Variants in JAZF1 observed in about 807,000 individuals in gnomAD.
JAZF1 encodes JAZF zinc finger 1.
In JAZF1, 8 loss-of-function variants were observed where a neutral mutation model predicts 26.4. That is an observed-to-expected ratio of 0.30 (90% CI 0.18 to 0.55). The LOEUF is 0.55. Ranked by LOEUF, JAZF1 falls within the 20% of genes least tolerant of loss-of-function variation. The pLI is 0.94. For missense variants in JAZF1, 199 were observed against 322.0 expected (o/e 0.62, Z 2.92); for synonymous variants, 126 against 122.3 (o/e 1.03, Z -0.20).
At chr7:27,998,343 G>T (rs773873278) in intron 1 of JAZF1, among the ~76,000 whole-genome samples, 1 of 151,862 alleles carries the variant, frequency 6.6e-6, no homozygotes, top group Non-Finnish European at 1.5e-5. Context: ...TAGTTCTGTC[G>T]GCTGCAACTT....
intron 2 of JAZF1, among the ~76,000 whole-genome samples, chr7:27,969,424 G>A (rs935087959): frequency 6.6e-6 from 1 of 151,978 alleles, no homozygotes; most frequent in African/African-American, 2.4e-5. Context: ...GAAGGTGGAA[G>A]CTGCTTGGAG....
chr7:28,041,876 G>A (rs533367097), intron 1 of JAZF1, among the ~76,000 whole-genome samples: 2 of 152,278 alleles, frequency 1.3e-5, no homozygotes, highest in South Asian at 4.1e-4. Context: ...ACAACTGTTT[G>A]ACTTTCAAAG....
At chr7:28,145,677 G>T (rs1005558017) in intron 1 of JAZF1, among the ~76,000 whole-genome samples, 6 of 151,688 alleles carry the variant, frequency 4.0e-5, no homozygotes, top group African/African-American at 1.5e-4. Flanking sequence ...TAGTTTGATG[G>T]GTTCTGGCAA....
intron 3 of JAZF1, among the ~76,000 whole-genome samples, chr7:27,884,224 T>C (rs1783821472): frequency 6.6e-6 from 1 of 152,160 alleles, no homozygotes; most frequent in Non-Finnish European, 1.5e-5. Flanking sequence ...TGCGACCTCC[T>C]GGACTCAAGC....
chr7:28,047,617 G>T (rs1783518977), intron 1 of JAZF1, among the ~76,000 whole-genome samples: 1 of 151,930 alleles, frequency 6.6e-6, no homozygotes, highest in Admixed American at 6.6e-5. Flanking sequence ...TATATATATG[G>T]TTACTGATAT....
At chr7:28,063,864 T>G (rs985286566) in intron 1 of JAZF1, among the ~76,000 whole-genome samples, 1 of 152,152 alleles carries the variant, frequency 6.6e-6, no homozygotes, top group Non-Finnish European at 1.5e-5. Context: ...CCTGAATAAA[T>G]AGTTTCCAAT....
At chr7:28,007,339 TGGGA>T (rs1562557145) in intron 1 of JAZF1, among the ~76,000 whole-genome samples, 1 of 151,814 alleles carries the variant, frequency 6.6e-6, no homozygotes, top group African/African-American at 2.4e-5. Flanking sequence ...TGTGGTGAGG[TGGGA>T]GGATCACCTG....
intron 2 of JAZF1, among the ~76,000 whole-genome samples, chr7:27,903,266 T>C (rs1317867368): frequency 1.3e-5 from 2 of 152,170 alleles, no homozygotes; most frequent in East Asian, 1.9e-4. Flanking sequence ...TGGAATGCAG[T>C]AGCATGATCA....
intron 2 of JAZF1, among the ~76,000 whole-genome samples, chr7:27,936,811 C>T (rs1784768921): frequency 6.6e-6 from 1 of 152,160 alleles, no homozygotes; most frequent in Non-Finnish European, 1.5e-5. Flanking sequence ...TTGCTGTTGT[C>T]AAAGATTCCC....
intron 1 of JAZF1, among the ~76,000 whole-genome samples, chr7:28,175,153 A>T (rs1359477964): frequency 6.6e-6 from 1 of 152,206 alleles, no homozygotes; most frequent in Non-Finnish European, 1.5e-5. Flanking sequence ...CCACTTTCCC[A>T]GTCCACTGTG....
intron 1 of JAZF1, among the ~76,000 whole-genome samples, chr7:28,123,285 A>T (rs1418738164): frequency 6.6e-6 from 1 of 152,238 alleles, no homozygotes; most frequent in East Asian, 1.9e-4. Context: ...AGTAAGTCTC[A>T]TCTTCTTCAG....
chr7:27,934,337 C>T (rs1419707967), intron 2 of JAZF1, among the ~76,000 whole-genome samples: 2 of 152,028 alleles, frequency 1.3e-5, no homozygotes, highest in Non-Finnish European at 2.9e-5. Context: ...GATGTAAACC[C>T]TCTGATTTTT....
At chr7:28,108,505 C>T (rs2127931299) in intron 1 of JAZF1, among the ~76,000 whole-genome samples, 1 of 152,300 alleles carries the variant, frequency 6.6e-6, no homozygotes, top group South Asian at 2.1e-4. Context: ...CATTCACTTG[C>T]TCAGTTTCTT....
intron 1 of JAZF1, among the ~76,000 whole-genome samples, chr7:28,011,081 G>C (rs954165190): frequency 6.6e-6 from 1 of 152,178 alleles, no homozygotes; most frequent in South Asian, 2.1e-4. Flanking sequence ...GATTTTACTT[G>C]AAAGATGTAA....
At chr7:27,934,899 C>A (rs757320338) in intron 2 of JAZF1, among the ~76,000 whole-genome samples, 5 of 152,106 alleles carry the variant, frequency 3.3e-5, no homozygotes, top group Non-Finnish European at 7.4e-5. Flanking sequence ...ATGATATCGT[C>A]AAGTAAGTGA....
At chr7:27,973,454 T>A (rs993232348) in intron 2 of JAZF1, among the ~76,000 whole-genome samples, 1 of 152,106 alleles carries the variant, frequency 6.6e-6, no homozygotes, top group Non-Finnish European at 1.5e-5. Flanking sequence ...CATGCCTCCA[T>A]GCCCAGCTAA....
chr7:28,170,395 ATG>A (rs1312200306), intron 1 of JAZF1, among the ~76,000 whole-genome samples: 2 of 97,952 alleles, frequency 2.0e-5, no homozygotes, highest in Non-Finnish European at 4.2e-5. Flanking sequence ...GTGTGTGTGT[ATG>A]TGTGTATGTG....
At chr7:27,933,301 A>G (rs568988329) in intron 2 of JAZF1, among the ~76,000 whole-genome samples, 2 of 152,360 alleles carry the variant, frequency 1.3e-5, no homozygotes, top group Admixed American at 1.3e-4. Context: ...TAGCTGACCA[A>G]TAACTGCTAA....
chr7:27,861,547 T>C (rs1387641680), intron 3 of JAZF1, among the ~76,000 whole-genome samples: 2 of 112,808 alleles, frequency 1.8e-5, no homozygotes, highest in Non-Finnish European at 1.9e-5. Context: ...CTACTTTTTT[T>C]ATTCTTTTTT....
Sources: gnomAD v4.1 joint callset for allele counts (sites outside exome capture counted in the v4.1 genomes callset) on GRCh38, gnomAD v4.1.1 for gene constraint, MANE v1.5 for transcripts, NCBI Gene and HGNC (gene_info 2026-07-23, HGNC 2026-07-21) for gene names.